SYTL5: variants seen among roughly 807,000 people sequenced by gnomAD.
The protein encoded by SYTL5 is synaptotagmin-like protein 5.
In SYTL5, 34 loss-of-function variants were observed where a neutral mutation model predicts 55.9. That is an observed-to-expected ratio of 0.61 (90% CI 0.46 to 0.81). The LOEUF (loss-of-function observed/expected upper bound fraction) is 0.81, where lower values mean the gene tolerates loss of function less well. Ranked by LOEUF, SYTL5 falls within the 30% of genes least tolerant of loss-of-function variation. The pLI is 0.00. For missense variants in SYTL5, 637 were observed against 546.7 expected (o/e 1.17, Z -1.65); for synonymous variants, 221 against 188.7 (o/e 1.17, Z -1.40).
the SYTL5 span, among the ~76,000 whole-genome samples, chrX:37,913,194 C>A: frequency 8.9e-6 from 1 of 111,933 alleles, no homozygotes; most frequent in Non-Finnish European, 1.9e-5. Context: ...GAAATCTGGG[C>A]CTGTGGTGGC....
At chrX:38,005,551 A>AT (rs1933967490), upstream of SYTL5, among the ~76,000 whole-genome samples, 2 of 111,481 alleles carry the variant, frequency 1.8e-5, no homozygotes, top group African/African-American at 6.5e-5. Flanking sequence ...CCACATGGAA[A>AT]TTTTAGAGCT....
chrX:38,033,991 G>T lies in SYTL5; in HGVS notation c.102G>T (p.Val34=), dbSNP rs954625599. 8.6e-7 allele frequency: 1 copy of T among 1,160,877 alleles called. No homozygotes were observed. ...AGAGAGATGAATATTTGAAAAAAGT[G>T]GAGGACAAGAGAATAAGGTAGTATT... ...VLKRDEYLKK[V]EDKRIRKLKN... Residue 34 remains valine (V), a synonymous_variant, in exon 2 of 17, where the codon GTG becomes GTT. Transcript: ENST00000297875.
At chrX:37,992,538 A>G in the SYTL5 span, among the ~76,000 whole-genome samples, 16,034 of 112,544 alleles carry the variant, frequency 0.14, 2,028 homozygotes, top group African/African-American at 0.4. Flanking sequence ...AAGTCTCTCC[A>G]TCTGTGGGTT....
chrX:37,973,436 A>G, the SYTL5 span, among the ~76,000 whole-genome samples: 1 of 111,171 alleles, frequency 9.0e-6, no homozygotes, highest in Non-Finnish European at 1.9e-5. Flanking sequence ...CTTTTTCAGA[A>G]CTCTAGAATA....
intron 2 of SYTL5, among the ~76,000 whole-genome samples, chrX:38,047,783 C>T (rs1935508187): frequency 8.9e-6 from 1 of 111,884 alleles, no homozygotes; most frequent in Non-Finnish European, 1.9e-5. Context: ...CTCTTGAATG[C>T]TTTGCTGCTT....
the SYTL5 span, among the ~76,000 whole-genome samples, chrX:37,940,604 G>GTATATATATATA: frequency 1.2e-4 from 11 of 94,854 alleles, no homozygotes; most frequent in East Asian, 6.6e-4. Flanking sequence ...AGGTGTGTAT[G>GTATATATATATA]TATATATATA....
At chrX:37,937,508 A>C in the SYTL5 span, among the ~76,000 whole-genome samples, 4 of 111,665 alleles carry the variant, frequency 3.6e-5, no homozygotes, top group Non-Finnish European at 7.5e-5. Context: ...GAAGTCTGCC[A>C]ACAACTTAAA....
At chrX:37,930,070 T>A in the SYTL5 span, among the ~76,000 whole-genome samples, 1 of 111,106 alleles carries the variant, frequency 9.0e-6, no homozygotes. Flanking sequence ...AGCAAATGTA[T>A]AAAAGGGTAA....
At chrX:38,017,724 T>G (rs1052279129) in intron 1 of SYTL5, among the ~76,000 whole-genome samples, 9 of 107,527 alleles carry the variant, frequency 8.4e-5, no homozygotes, top group African/African-American at 3.0e-4. Context: ...GTTTTTTGAC[T>G]TTGTAATTTT....
At chrX:37,896,810 A>G in the SYTL5 span, among the ~76,000 whole-genome samples, 2 of 112,250 alleles carry the variant, frequency 1.8e-5, no homozygotes, top group Admixed American at 9.5e-5. Context: ...GCCAACCCAC[A>G]GAATAATGAG....
the SYTL5 span, among the ~76,000 whole-genome samples, chrX:37,946,968 C>G: frequency 9.0e-6 from 1 of 111,037 alleles, no homozygotes; most frequent in Non-Finnish European, 1.9e-5. Flanking sequence ...TGTAGGAATA[C>G]ATGGATAATA....
At chrX:37,935,703 T>C in the SYTL5 span, among the ~76,000 whole-genome samples, 2 of 112,044 alleles carry the variant, frequency 1.8e-5, no homozygotes, top group Admixed American at 1.9e-4. Context: ...AAGATGTTAA[T>C]TGTCATTGCC....
At chrX:38,057,619 C>T (rs1211127023) in intron 3 of SYTL5, among the ~76,000 whole-genome samples, 1 of 111,406 alleles carries the variant, frequency 9.0e-6, no homozygotes, top group Non-Finnish European at 1.9e-5. Context: ...AGAAACGAAT[C>T]TTTTAAGTTC....
rs781460033 is a variant in SYTL5, at chrX:38,033,955, G to A, written c.66G>A (p.Leu22=). The stretch of plus-strand genomic sequence containing the variant: ...TAGATCATGAGAAGGAAATGATCCT[G>A]GGCGTCCTAAAGAGAGATGAATATT... ...FLLDHEKEMI[L]GVLKRDEYLK... is the part of the protein sequence containing the mutation. The change falls in exon 2 of 17, where the codon CTG becomes CTA. Residue 22 remains leucine, a synonymous_variant. Transcript: ENST00000297875. 5.8e-6 allele frequency: 7 copies of A among 1,199,249 alleles called. No individual in the cohort carries two copies. Among genetic ancestry groups the A allele is most frequent in the South Asian group, 1.8e-5 (1 of 55,091 alleles).
At chrX:37,964,092 G>C in the SYTL5 span, among the ~76,000 whole-genome samples, 1 of 111,481 alleles carries the variant, frequency 9.0e-6, no homozygotes, top group Non-Finnish European at 1.9e-5. Flanking sequence ...TCAGAAGATA[G>C]GGCCTTTGGG....
intron 2 of SYTL5, among the ~76,000 whole-genome samples, chrX:38,039,130 T>C (rs759713658): frequency 8.9e-6 from 1 of 111,797 alleles, no homozygotes; most frequent in Non-Finnish European, 1.9e-5. Flanking sequence ...TCTACTACCA[T>C]TGCATTTTAA....
the SYTL5 span, among the ~76,000 whole-genome samples, chrX:37,997,769 C>T: frequency 2.7e-5 from 3 of 112,430 alleles, no homozygotes; most frequent in African/African-American, 6.5e-5. Flanking sequence ...CGAGTTCAGG[C>T]CAGGAAGGGC....
At chrX:38,109,855 G>A (rs776331160) in intron 12 of SYTL5, among the ~76,000 whole-genome samples, 3 of 111,351 alleles carry the variant, frequency 2.7e-5, no homozygotes, top group East Asian at 2.8e-4. Flanking sequence ...ACTTAGGCTG[G>A]ACTTTATAAA....
At chrX:38,037,840 A>G (rs186454345) in intron 2 of SYTL5, among the ~76,000 whole-genome samples, 1 of 111,255 alleles carries the variant, frequency 9.0e-6, no homozygotes, top group Non-Finnish European at 1.9e-5. Context: ...ATAGATAAAA[A>G]TATTTATTAT....
Sources: gnomAD v4.1 joint callset for allele counts (sites outside exome capture counted in the v4.1 genomes callset) on GRCh38, gnomAD v4.1.1 for gene constraint, MANE v1.5 for transcripts, NCBI Gene and HGNC (gene_info 2026-07-23, HGNC 2026-07-21) for gene names.